The following TAF4B variants were observed in gnomAD, a reference collection of about 807,000 sequenced individuals.
TAF4B encodes the protein TATA-box binding protein associated factor 4b, also known as transcription initiation factor TFIID subunit 4B.
In TAF4B, 38 loss-of-function variants were observed where a neutral mutation model predicts 86.4. The observed-to-expected ratio is 0.44, with a 90% CI of 0.34 to 0.58. The LOEUF (loss-of-function observed/expected upper bound fraction) is 0.58. TAF4B is among the 20% of genes least tolerant of loss of function. The probability of loss-of-function intolerance (pLI) is 0.02; values close to 1 mark genes in which losing one functional copy is unlikely to be tolerated. For missense variants in TAF4B, 988 were observed against 1,027.6 expected (o/e 0.96, Z 0.53); for synonymous variants, 388 against 391.2 (o/e 0.99, Z 0.10).
intron 5 of TAF4B, among the ~76,000 whole-genome samples, chr18:26,279,503 A>G (rs947452508): frequency 2.0e-5 from 3 of 151,368 alleles, no homozygotes; most frequent in Admixed American, 6.6e-5. Context: ...TAAAATTCAT[A>G]TAGGACCAAA....
chr18:26,319,153 C>T (rs913411516), intron 10 of TAF4B, among the ~76,000 whole-genome samples: 2 of 152,110 alleles, frequency 1.3e-5, no homozygotes, highest in African/African-American at 2.4e-5. Flanking sequence ...ATGATTGCTC[C>T]ACTGCATTCC....
At chr18:26,326,191 A>G (rs1049203128) in intron 11 of TAF4B, among the ~76,000 whole-genome samples, 1 of 152,092 alleles carries the variant, frequency 6.6e-6, no homozygotes, top group Admixed American at 6.6e-5. Context: ...CCTGTCCCCC[A>G]CTCCTGCCTA....
Position 26,238,834 on chromosome 18 carries a change from G to A in TAF4B, c.343+11558G>A, listed in dbSNP as rs936226915. Among the ~76,000 whole-genome samples, 4 of 152,130 alleles carry A rather than the reference G, an allele frequency of 2.6e-5. No homozygotes were observed. The South Asian group carries it at 8.3e-4, about 32-fold the overall frequency. The stretch of plus-strand genomic sequence containing the variant: ...AATTCTCACCTATGAGATAGAACAT[G>A]CGGTGTTTGGTTTTCAGTCCTTGCA... On this transcript the variant is annotated intron_variant, in intron 1 of 14. Coordinates refer to ENST00000269142, the MANE Select transcript of TAF4B (RefSeq NM_005640.3).
intron 9 of TAF4B, among the ~76,000 whole-genome samples, chr18:26,306,300 A>G (rs2056794045): frequency 6.6e-6 from 1 of 152,216 alleles, no homozygotes; most frequent in Non-Finnish European, 1.5e-5. Context: ...CAGTCTTCAT[A>G]TGACATGGTC....
intron 14 of TAF4B, among the ~76,000 whole-genome samples, chr18:26,383,613 G>T (rs1269277211): frequency 6.6e-6 from 1 of 152,264 alleles, no homozygotes; most frequent in South Asian, 2.1e-4. Flanking sequence ...AAAGATGGGG[G>T]TGATCATTAG....
rs571370001 is a variant in TAF4B, at chr18:26,275,116, A to G, written c.882+63A>G. On this transcript the variant is annotated intron_variant, in intron 5 of 14. Coordinates refer to ENST00000269142, the MANE Select transcript of TAF4B (RefSeq NM_005640.3). ...ATCCATATAACATGTTGTAATTGGG[A>G]AATGCATATTTTTAAATGGGATTTA... 4 of 1,466,926 alleles carry G rather than the reference A, an allele frequency of 2.7e-6. No homozygotes were observed. The East Asian group carries it at 9.4e-5, about 35-fold the overall frequency. 90.9% of individuals were successfully genotyped at this position (1,466,926 alleles called of 1,614,324 possible). A position where few individuals can be genotyped will look rare whatever the true frequency, so the allele number is the denominator to read the frequency against.
At chr18:26,371,218 A>G (rs1419573176) in intron 14 of TAF4B, among the ~76,000 whole-genome samples, 3 of 152,260 alleles carry the variant, frequency 2.0e-5, no homozygotes, top group Non-Finnish European at 4.4e-5. Context: ...ACACATATTT[A>G]TAAAAAGTGT....
chr18:26,276,107 A>G (rs891515228), intron 5 of TAF4B, among the ~76,000 whole-genome samples: 2 of 152,068 alleles, frequency 1.3e-5, no homozygotes, highest in African/African-American at 2.4e-5. Flanking sequence ...CGGTTCTTAT[A>G]TGTCCAGATA....
intron 13 of TAF4B, among the ~76,000 whole-genome samples, chr18:26,339,699 A>T (rs2057121648): frequency 6.6e-6 from 1 of 152,218 alleles, no homozygotes; most frequent in Non-Finnish European, 1.5e-5. Flanking sequence ...TCTTTATTTA[A>T]TGCAGCTGCA....
intron 6 of TAF4B, among the ~76,000 whole-genome samples, chr18:26,283,499 C>G (rs551266268): frequency 1.3e-3 from 192 of 151,802 alleles, no homozygotes; most frequent in African/African-American, 4.2e-3. Context: ...ATGCTGTGAA[C>G]AGATGTGCTG....
chr18:26,311,301 C>G (rs1394491729), intron 9 of TAF4B, among the ~76,000 whole-genome samples: 1 of 152,058 alleles, frequency 6.6e-6, no homozygotes, highest in Non-Finnish European at 1.5e-5. Flanking sequence ...CAAAGTGGAT[C>G]TGGGACATAG....
intron 12 of TAF4B, among the ~76,000 whole-genome samples, chr18:26,328,258 G>A (rs1007813089): frequency 6.6e-6 from 1 of 152,020 alleles, no homozygotes; most frequent in South Asian, 2.1e-4. Flanking sequence ...AGACTATCCT[G>A]GCCAACATGG....
chr18:26,244,450 C>A (rs2055891090), intron 1 of TAF4B, among the ~76,000 whole-genome samples: 1 of 152,190 alleles, frequency 6.6e-6, no homozygotes, highest in Non-Finnish European at 1.5e-5. Flanking sequence ...ATGGGAGTGT[C>A]CTGATTTTCC....
chr18:26,247,080 G>A (rs2055937312), intron 1 of TAF4B, among the ~76,000 whole-genome samples: 2 of 151,622 alleles, frequency 1.3e-5, no homozygotes, highest in Admixed American at 6.6e-5. Context: ...GGTCAGGCTG[G>A]TCTCGAACTC....
At chr18:26,366,837 T>C (rs2057375206) in intron 14 of TAF4B, among the ~76,000 whole-genome samples, 2 of 152,230 alleles carry the variant, frequency 1.3e-5, no homozygotes, top group Non-Finnish European at 2.9e-5. Flanking sequence ...TATATATACA[T>C]GTGCTTTTAA....
At chr18:26,356,489 A>G (rs940398058) in intron 13 of TAF4B, among the ~76,000 whole-genome samples, 5 of 152,218 alleles carry the variant, frequency 3.3e-5, no homozygotes, top group Non-Finnish European at 7.3e-5. Context: ...GTTTCACCAC[A>G]GACTACTTTT....
At chr18:26,372,689 G>A (rs1038890651) in intron 14 of TAF4B, among the ~76,000 whole-genome samples, 5 of 152,008 alleles carry the variant, frequency 3.3e-5, no homozygotes, top group Admixed American at 1.3e-4. Context: ...TAATAACACC[G>A]GCTGGGCGCG....
At chr18:26,380,425 A>G (rs1419943875) in intron 14 of TAF4B, among the ~76,000 whole-genome samples, 1 of 152,178 alleles carries the variant, frequency 6.6e-6, no homozygotes, top group East Asian at 1.9e-4. Flanking sequence ...ATTTAGAAGT[A>G]TGTTGTTTAA....
intron 6 of TAF4B, among the ~76,000 whole-genome samples, chr18:26,283,726 C>T (rs982658919): frequency 6.6e-6 from 1 of 152,144 alleles, no homozygotes; most frequent in African/African-American, 2.4e-5. Flanking sequence ...ACCTAGCTTC[C>T]TCCAATAGAA....
Sources: gnomAD v4.1 joint callset for allele counts (sites outside exome capture counted in the v4.1 genomes callset) on GRCh38, gnomAD v4.1.1 for gene constraint, MANE v1.5 for transcripts, NCBI Gene and HGNC (gene_info 2026-07-23, HGNC 2026-07-21) for gene names.